Variants in MARCHF1 observed in about 807,000 individuals in gnomAD.
The protein encoded by MARCHF1 is E3 ubiquitin-protein ligase MARCHF1.
A neutral mutation model predicts 54.2 loss-of-function variants in MARCHF1; 40 were observed. The observed-to-expected ratio is 0.74, with a 90% CI of 0.57 to 0.96. MARCHF1 has a LOEUF of 0.96. Among genes scored for constraint, MARCHF1 ranks in the 40% least tolerant of loss-of-function variants. MARCHF1 has a pLI of 0.00. For missense variants in MARCHF1, 586 were observed against 656.5 expected (o/e 0.89, Z 1.17); for synonymous variants, 236 against 236.3 (o/e 1.00, Z 0.01).
chr4:163,837,367 A>G (rs536854136), intron 4 of MARCHF1, among the ~76,000 whole-genome samples: 133 of 152,194 alleles, frequency 8.7e-4, no homozygotes, highest in Non-Finnish European at 1.4e-3. Flanking sequence ...AAAAGTCATT[A>G]TATAAACTCA....
At chr4:163,855,467 A>G (rs1249823287) in intron 3 of MARCHF1, among the ~76,000 whole-genome samples, 1 of 152,178 alleles carries the variant, frequency 6.6e-6, no homozygotes, top group Non-Finnish European at 1.5e-5. Context: ...ACAGAAAGTA[A>G]ATATTTCCTC....
intron 4 of MARCHF1, among the ~76,000 whole-genome samples, chr4:163,810,163 G>A (rs1023531911): frequency 1.3e-5 from 2 of 152,048 alleles, no homozygotes; most frequent in African/African-American, 4.8e-5. Context: ...AACTGAGATT[G>A]CTGTTGTACA....
chr4:164,153,817 A>G (rs1730006424), intron 1 of MARCHF1, among the ~76,000 whole-genome samples: 1 of 152,182 alleles, frequency 6.6e-6, no homozygotes, highest in African/African-American at 2.4e-5. Flanking sequence ...AACAAAAGTC[A>G]TAAAAAACAA....
At chr4:164,291,541 T>A (rs1458180274) in intron 1 of MARCHF1, among the ~76,000 whole-genome samples, 1 of 152,000 alleles carries the variant, frequency 6.6e-6, no homozygotes, top group Admixed American at 6.6e-5. Context: ...AAATGTGCCA[T>A]TTGATTATTT....
chr4:164,044,413 C>A (rs1350797121), intron 2 of MARCHF1, among the ~76,000 whole-genome samples: 1 of 151,990 alleles, frequency 6.6e-6, no homozygotes, highest in Non-Finnish European at 1.5e-5. Flanking sequence ...GGGGGAAGTG[C>A]CACAAACTTT....
At chr4:164,290,111 T>C (rs761983054) in intron 1 of MARCHF1, among the ~76,000 whole-genome samples, 9 of 151,862 alleles carry the variant, frequency 5.9e-5, no homozygotes, top group Admixed American at 1.3e-4. Context: ...GCATTCAACA[T>C]TGAGTTGTAG....
chr4:163,601,957 C>T lies in MARCHF1; in HGVS notation c.1010+10314G>A, dbSNP rs576533768. On this transcript the variant is annotated intron_variant, in intron 7 of 9. Coordinates refer to ENST00000514618, the MANE Select transcript of MARCHF1 (RefSeq NM_001394959.1). ...AAGATAATCAGTATTATTGATAATACTATCATTTCATCCCTGGAAAGATTA... is the reference window on the plus strand; with the variant it reads ...AAGATAATCAGTATTATTGATAATATTATCATTTCATCCCTGGAAAGATTA... 2.0e-4 allele frequency among the ~76,000 whole-genome samples: 30 copies of T among 151,570 alleles called. No homozygotes were observed. The South Asian group carries it at 2.5e-3, about 13-fold the overall frequency.
chr4:163,872,937 G>C (rs900076566), intron 3 of MARCHF1, among the ~76,000 whole-genome samples: 2 of 152,012 alleles, frequency 1.3e-5, no homozygotes, highest in African/African-American at 2.4e-5. Flanking sequence ...CCAGCTACTC[G>C]GGAGGCTGAG....
chr4:163,602,832 G>A (rs563091068), intron 7 of MARCHF1, among the ~76,000 whole-genome samples: 64 of 152,120 alleles, frequency 4.2e-4, no homozygotes, highest in African/African-American at 1.4e-3. Context: ...ATAGGGAGAA[G>A]TAACAGAATA....
intron 1 of MARCHF1, chr4:164,190,378 C>T (rs908151818): frequency 1.4e-5 from 7 of 514,194 alleles, no homozygotes; most frequent in Non-Finnish European, 2.5e-5. Flanking sequence ...ATACTGGACT[C>T]AGGAACTTTC....
intron 4 of MARCHF1, among the ~76,000 whole-genome samples, chr4:163,830,785 T>A (rs529922693): frequency 6.6e-5 from 10 of 152,132 alleles, no homozygotes; most frequent in South Asian, 4.2e-4. Context: ...GAAAAATTTT[T>A]AAAAATAAAA....
intron 3 of MARCHF1, among the ~76,000 whole-genome samples, chr4:163,879,802 G>GGT (rs1321712467): frequency 7.7e-5 from 5 of 64,528 alleles, no homozygotes; most frequent in East Asian, 7.5e-4. Context: ...AGGATTTAGA[G>GGT]GCGTGTGTGT....
At chr4:163,760,420 C>A (rs939752468) in intron 4 of MARCHF1, among the ~76,000 whole-genome samples, 8 of 152,166 alleles carry the variant, frequency 5.3e-5, no homozygotes, top group African/African-American at 1.9e-4. Context: ...ATGCAGGCAT[C>A]TTTGAGGGCC....
chr4:163,528,659 G>C lies in MARCHF1; in HGVS notation c.*89C>G. ...AGTAGGAGAAAGGAGGAGCTGAAGGGAGTAAATAATTCAAGATCACTTCTG... is the reference window on the plus strand; with the variant it reads ...AGTAGGAGAAAGGAGGAGCTGAAGGCAGTAAATAATTCAAGATCACTTCTG... On this transcript the variant is annotated 3_prime_UTR_variant, in exon 10 of 10. Coordinates refer to ENST00000514618, the MANE Select transcript of MARCHF1 (RefSeq NM_001394959.1). The C allele has an allele frequency of 7.6e-7, 1 of 1,311,272 alleles. No homozygotes were observed. The highest frequency in any genetic ancestry group is 1.1e-6 in the Non-Finnish European group (1 of 949,028). The allele number at this position is 1,311,272 out of a possible 1,614,324, so 81.2% of individuals were successfully genotyped here.
Position 163,828,474 on chromosome 4 carries a change from C to T in MARCHF1, c.111+25547G>A, listed in dbSNP as rs556552137. ...ATGTAGCTGAATGGGGGGCACATTT[C>T]AAAGGACTAATGCTAATATTTTAAA... is the stretch of plus-strand genomic sequence containing the variant. On this transcript the variant is annotated intron_variant, in intron 4 of 9. Transcript: ENST00000514618. 2.2e-3 allele frequency among the ~76,000 whole-genome samples: 342 copies of T among 152,084 alleles called. 1 individual carries two copies. Among genetic ancestry groups the T allele is most frequent in the African/African-American group, 7.9e-3 (328 of 41,484 alleles).
chr4:163,892,931 C>A (rs571114760), intron 3 of MARCHF1, among the ~76,000 whole-genome samples: 2 of 152,136 alleles, frequency 1.3e-5, no homozygotes, highest in South Asian at 2.1e-4. Flanking sequence ...TATATTTCCA[C>A]AAGGAAATGC....
At chr4:163,796,614 T>G (rs1323083726) in intron 4 of MARCHF1, among the ~76,000 whole-genome samples, 1 of 152,170 alleles carries the variant, frequency 6.6e-6, no homozygotes, top group Non-Finnish European at 1.5e-5. Context: ...AGTCTGATAT[T>G]TTTTCTCTTT....
At chr4:163,564,695 G>A (rs982513234) in intron 8 of MARCHF1, among the ~76,000 whole-genome samples, 7 of 152,176 alleles carry the variant, frequency 4.6e-5, no homozygotes, top group African/African-American at 1.7e-4. Context: ...CAGGTGCATT[G>A]CCAGGATTAG....
At chr4:163,656,107 T>A (rs1302773311) in intron 5 of MARCHF1, among the ~76,000 whole-genome samples, 1 of 141,666 alleles carries the variant, frequency 7.1e-6, no homozygotes, top group African/African-American at 2.7e-5. Context: ...AAAAAACCAA[T>A]GAATCCAGGA....
Sources: allele counts gnomAD v4.1 joint callset (sites outside exome capture counted in the v4.1 genomes callset), GRCh38; gene constraint gnomAD v4.1.1; transcripts MANE v1.5; gene names NCBI Gene and HGNC (gene_info 2026-07-23, HGNC 2026-07-21).